The following KIRREL3 variants were observed in gnomAD, a reference collection of about 807,000 sequenced individuals.
KIRREL3 encodes kin of IRRE-like protein 3.
KIRREL3 carries 36 observed loss-of-function variants against 89.7 expected under a neutral mutation model. The ratio of observed to expected loss-of-function variants is 0.40; its 90% CI spans 0.31 to 0.53. The LOEUF is 0.53. KIRREL3 is among the 20% of genes least tolerant of loss of function. The pLI, the probability that KIRREL3 is intolerant of heterozygous loss-of-function variation, is 0.49. For synonymous variants in KIRREL3, 445 were observed against 441.4 expected (o/e 1.01, Z -0.10); for missense variants, 864 against 1,056.6 (o/e 0.82, Z 2.53).
intron 1 of KIRREL3, among the ~76,000 whole-genome samples, chr11:126,767,644 T>C (rs951280036): frequency 6.6e-6 from 1 of 152,230 alleles, no homozygotes; most frequent in Non-Finnish European, 1.5e-5. Context: ...CTGATACATG[T>C]TAGTTTCCTT....
chr11:126,819,203 G>A (rs1453895364), intron 1 of KIRREL3, among the ~76,000 whole-genome samples: 4 of 152,130 alleles, frequency 2.6e-5, no homozygotes, highest in African/African-American at 9.7e-5. Flanking sequence ...AGCCTGAGGC[G>A]ACGGTCCGGT....
chr11:126,891,903 A>T lies in KIRREL3; in HGVS notation c.55+108552T>A, dbSNP rs565368647. 6.6e-5 allele frequency among the ~76,000 whole-genome samples: 10 copies of T among 152,344 alleles called. No homozygotes were observed. The South Asian group carries it at 2.1e-3, about 32-fold the overall frequency. On this transcript the variant is annotated intron_variant, in intron 1 of 16. Coordinates refer to ENST00000525144, the MANE Select transcript of KIRREL3 (RefSeq NM_032531.4). This position sits in a 1 kb window ranked among gnomAD's most constrained non-coding sequence, Gnocchi z 5.1. ...GGAAAGAAATCTTGCCCAAGAATAC[A>T]TATGAATATCTGCAAAAACAAAGTT...
intron 1 of KIRREL3, among the ~76,000 whole-genome samples, chr11:126,966,685 C>T (rs148315696): frequency 1.7e-3 from 258 of 152,246 alleles, no homozygotes; most frequent in African/African-American, 4.4e-3. Flanking sequence ...TAGAGACATG[C>T]CACTGGCCCT....
chr11:126,963,664 CT>C (rs1949168496), intron 1 of KIRREL3, among the ~76,000 whole-genome samples: 1 of 152,206 alleles, frequency 6.6e-6, no homozygotes, highest in African/African-American at 2.4e-5. Context: ...GCCCTTCTTC[CT>C]TTTGGATATC....
Position 126,566,837 on chromosome 11 carries a change from T to C in KIRREL3, c.56-3925A>G, listed in dbSNP as rs1398799636. ...TCATATTCCCTTTCTCTTTAGATGC[T>C]CACAGTAAGTAGCTCTGTGACACAG... On this transcript the variant is annotated intron_variant, in intron 1 of 16. Transcript: ENST00000525144. This position sits in a 1 kb window ranked among gnomAD's most constrained non-coding sequence, Gnocchi z 4.9. Among the ~76,000 whole-genome samples the C allele has an allele frequency of 6.6e-6, 1 of 152,246 alleles. No individual in the cohort carries two copies. Among genetic ancestry groups the C allele is most frequent in the Non-Finnish European group, 1.5e-5 (1 of 68,034 alleles).
chr11:126,583,786 C>T (rs182359540), intron 1 of KIRREL3, among the ~76,000 whole-genome samples: 12 of 152,282 alleles, frequency 7.9e-5, no homozygotes, highest in African/African-American at 2.2e-4. Flanking sequence ...CCTGCTGTCA[C>T]GACCCTCGCC....
Position 126,812,175 on chromosome 11 carries a change from T to G in KIRREL3, c.55+188280A>C, listed in dbSNP as rs184341251. On this transcript the variant is annotated intron_variant, in intron 1 of 16. Coordinates refer to ENST00000525144, the MANE Select transcript of KIRREL3 (RefSeq NM_032531.4). This position sits in a 1 kb window ranked among gnomAD's most constrained non-coding sequence, Gnocchi z 5.2. ...ACTATTTAACCCATTCTTTCTATTG[T>G]GATCATAAGAAGAAGAAGGCCAAAG... Among the ~76,000 whole-genome samples the G allele has an allele frequency of 1.8e-4, 27 of 152,324 alleles. No individual in the cohort carries two copies. The highest frequency in any genetic ancestry group is 3.9e-4 in the Admixed American group (6 of 15,298).
At position 126,824,239 on chromosome 11, in the gene KIRREL3, C is replaced by T. The variant is rs376980787; in HGVS notation, c.55+176216G>A. Among the ~76,000 whole-genome samples the T allele has an allele frequency of 1.2e-3, 189 of 152,274 alleles. 3 individuals carry two copies. The South Asian group carries it at 0.036, about 29-fold the overall frequency. Reference sequence around the variant, plus strand: ...AGGGAGACAAACAAGCATTCTCATCCGGCAAGCTGATGTCTGCATATGCAA... The same window carrying T: ...AGGGAGACAAACAAGCATTCTCATCTGGCAAGCTGATGTCTGCATATGCAA... On this transcript the variant is annotated intron_variant, in intron 1 of 16. Transcript: ENST00000525144.
At position 126,904,281 on chromosome 11, in the gene KIRREL3, T is replaced by C. The variant is rs1397040429; in HGVS notation, c.55+96174A>G. Among the ~76,000 whole-genome samples, 1 of 152,240 alleles carries C rather than the reference T, an allele frequency of 6.6e-6. No individual in the cohort carries two copies. The highest frequency in any genetic ancestry group is 2.4e-5 in the African/African-American group (1 of 41,460). ...TAGCACAACATATAGATGGTTTAAA[T>C]CTACATTCAAGGTAAATGTCTGTAT... On this transcript the variant is annotated intron_variant, in intron 1 of 16. Transcript: ENST00000525144. This position sits in a 1 kb window ranked among gnomAD's most constrained non-coding sequence, Gnocchi z 4.4.
chr11:126,713,633 C>T (rs765439728), intron 1 of KIRREL3, among the ~76,000 whole-genome samples: 5 of 152,166 alleles, frequency 3.3e-5, no homozygotes, highest in African/African-American at 7.2e-5. Flanking sequence ...CAGGAGTGTA[C>T]ATTCTGCAGA....
At chr11:126,660,006 T>C (rs914656915) in intron 1 of KIRREL3, among the ~76,000 whole-genome samples, 3 of 152,160 alleles carry the variant, frequency 2.0e-5, no homozygotes, top group African/African-American at 7.2e-5. Context: ...TTGAAAAGCA[T>C]GATAAAAATT....
intron 7 of KIRREL3, among the ~76,000 whole-genome samples, chr11:126,451,666 G>A (rs1956175604): frequency 6.6e-6 from 1 of 151,478 alleles, no homozygotes; most frequent in Admixed American, 6.6e-5. Context: ...GCATGTGTGA[G>A]TGTGTGCATA....
chr11:126,679,608 T>A (rs3862632), intron 1 of KIRREL3, among the ~76,000 whole-genome samples: 46,193 of 152,038 alleles, frequency 0.3, 7,275 homozygotes, highest in East Asian at 0.4. Context: ...ATATTGTGAC[T>A]TTGTAGACAG....
chr11:126,475,578 C>T lies in KIRREL3; in HGVS notation c.434-2112G>A, dbSNP rs1486915772. 6.6e-6 allele frequency among the ~76,000 whole-genome samples: 1 copy of T among 152,238 alleles called. No individual in the cohort carries two copies. Among genetic ancestry groups the T allele is most frequent in the Non-Finnish European group, 1.5e-5 (1 of 68,032 alleles). On this transcript the variant is annotated intron_variant, in intron 4 of 16. Transcript: ENST00000525144. The surrounding 1 kb of genome is among the most constrained non-coding windows in gnomAD (Gnocchi z 7.5). ...AGCGAGCCCCGGACTCCACCGAGATCCTGGCTCAGGAACAGAGTCTGCCTC... is the reference window on the plus strand; with the variant it reads ...AGCGAGCCCCGGACTCCACCGAGATTCTGGCTCAGGAACAGAGTCTGCCTC...
rs1223458479 is a variant in KIRREL3, at chr11:126,610,242, C to T, written c.56-47330G>A. ...AGTGGCTGGGATTACAGGCATGCAC[C>T]ACCACGCCTGGCTAATTTTTGTATT... On this transcript the variant is annotated intron_variant, in intron 1 of 16. Transcript: ENST00000525144. The surrounding 1 kb of genome is among the most constrained non-coding windows in gnomAD (Gnocchi z 4.6). 6.6e-6 allele frequency among the ~76,000 whole-genome samples: 1 copy of T among 152,100 alleles called. No homozygotes were observed. Among genetic ancestry groups the T allele is most frequent in the Middle Eastern group, 3.2e-3 (1 of 314 alleles).
Position 127,000,552 on chromosome 11 carries a change from T to C in KIRREL3, c.-43A>G. On this transcript the variant is annotated 5_prime_UTR_variant, in exon 1 of 17. Coordinates refer to ENST00000525144, the MANE Select transcript of KIRREL3 (RefSeq NM_032531.4). This position sits in a 1 kb window ranked among gnomAD's most constrained non-coding sequence, Gnocchi z 7.1. Reference sequence around the variant, plus strand: ...GAAAGCCGGCGGGGTAACTTGGCTGTGGTTAGTTTCTCTTCCTTGGCGGCT... The same window carrying C: ...GAAAGCCGGCGGGGTAACTTGGCTGCGGTTAGTTTCTCTTCCTTGGCGGCT... 1.3e-6 allele frequency: 2 copies of C among 1,576,716 alleles called. No individual in the cohort carries two copies. The highest frequency in any genetic ancestry group is 1.7e-6 in the Non-Finnish European group (2 of 1,161,434).
chr11:126,456,038 C>CTTTTTTTTT, intron 7 of KIRREL3, among the ~76,000 whole-genome samples: 1 of 53,834 alleles, frequency 1.9e-5, no homozygotes, highest in Admixed American at 2.0e-4. Context: ...TTTTTGTTTT[C>CTTTTTTTTT]GTTTTTTTTT....
intron 1 of KIRREL3, among the ~76,000 whole-genome samples, chr11:126,626,512 TTTAG>T (rs1181045293): frequency 6.6e-6 from 1 of 152,176 alleles, no homozygotes; most frequent in Non-Finnish European, 1.5e-5. Flanking sequence ...CCATTAACTC[TTTAG>T]TAGCTGGACA....
chr11:126,996,885 T>TGC lies in KIRREL3; in HGVS notation c.55+3569_55+3570insGC, dbSNP rs2135295664. Among the ~76,000 whole-genome samples the TGC allele has an allele frequency of 6.6e-6, 1 of 152,226 alleles. No individual in the cohort carries two copies. Among genetic ancestry groups the TGC allele is most frequent in the Non-Finnish European group, 1.5e-5 (1 of 68,024 alleles). On this transcript the variant is annotated intron_variant, in intron 1 of 16. Transcript: ENST00000525144. This position sits in a 1 kb window ranked among gnomAD's most constrained non-coding sequence, Gnocchi z 4.7. ...AATTAGAACCTTCACAACCACAGAA[T>TGC]CACAAGGCAGGACAGGACGCTCTAG...
Sources: gnomAD v4.1 joint callset for allele counts (sites outside exome capture counted in the v4.1 genomes callset) on GRCh38, gnomAD v4.1.1 for gene constraint, Gnocchi (gnomAD v3.1) non-coding constraint, MANE v1.5 for transcripts, NCBI Gene and HGNC (gene_info 2026-07-23, HGNC 2026-07-21) for gene names.